The following SPEF2 variants were observed in gnomAD, a reference collection of about 807,000 sequenced individuals.
The protein encoded by SPEF2 is sperm flagella and cilia-associated protein 2.
A neutral mutation model predicts 224.6 loss-of-function variants in SPEF2; 187 were observed. The observed-to-expected ratio is 0.83, with a 90% CI of 0.74 to 0.94. The LOEUF is 0.94. SPEF2 is among the 40% of genes least tolerant of loss of function. The pLI is 0.00. For synonymous variants in SPEF2, 715 were observed against 707.3 expected, an observed-to-expected ratio of 1.01 and a Z score of -0.17; for missense variants, 2,170 against 2,135.6, an observed-to-expected ratio of 1.02 and a Z score of -0.32.
chr5:35,664,349 G>A (rs1226959179), intron 8 of SPEF2, among the ~76,000 whole-genome samples: 1 of 151,054 alleles, frequency 6.6e-6, no homozygotes, highest in African/African-American at 2.4e-5. Context: ...AGAGACGAGG[G>A]AAGGAAGGAA....
chr5:35,765,537 G>A (rs575930582), intron 26 of SPEF2, among the ~76,000 whole-genome samples: 66 of 152,132 alleles, frequency 4.3e-4, no homozygotes, highest in African/African-American at 1.4e-3. Flanking sequence ...CCCTTTCACC[G>A]TTTCACCGCA....
intron 26 of SPEF2, among the ~76,000 whole-genome samples, chr5:35,768,515 A>C (rs1305086737): frequency 6.6e-6 from 1 of 152,140 alleles, no homozygotes; most frequent in South Asian, 2.1e-4. Flanking sequence ...TTTAGGCTAT[A>C]TCTATAATAT....
chr5:35,797,327 T>A (rs1204133624), intron 33 of SPEF2, among the ~76,000 whole-genome samples: 1 of 146,792 alleles, frequency 6.8e-6, no homozygotes, highest in Non-Finnish European at 1.5e-5. Context: ...GGTGTGTGTG[T>A]GTGTGTGTGT....
intron 30 of SPEF2, chr5:35,789,293 A>G (rs1347523656): frequency 1.4e-6 from 1 of 703,288 alleles, no homozygotes; most frequent in South Asian, 1.5e-5. Context: ...GTCCTGTGTC[A>G]ATAAGAATAG....
intron 7 of SPEF2, among the ~76,000 whole-genome samples, chr5:35,657,376 A>G (rs1749102597): frequency 6.6e-6 from 1 of 152,164 alleles, no homozygotes; most frequent in East Asian, 1.9e-4. Context: ...ATAAAAATCA[A>G]TTTGACTTTT....
chr5:35,676,147 G>C (rs1410633503), intron 10 of SPEF2, among the ~76,000 whole-genome samples: 1 of 152,174 alleles, frequency 6.6e-6, no homozygotes, highest in Non-Finnish European at 1.5e-5. Context: ...AGGAGTCCTG[G>C]ATGCCTGACA....
chr5:35,705,834 A>G (rs763074106), intron 18 of SPEF2, 26 bp downstream of exon 18: 8 of 1,378,426 alleles, frequency 5.8e-6, no homozygotes, highest in Non-Finnish European at 7.9e-6. Flanking sequence ...TATAGTTTTG[A>G]GTTTAGGCAA....
Position 35,799,957 on chromosome 5 carries a change from T to G in SPEF2, c.4831-11T>G. 2.5e-6 allele frequency: 4 copies of G among 1,613,670 alleles called. No individual in the cohort carries two copies. Among genetic ancestry groups the G allele is most frequent in the Non-Finnish European group, 3.4e-6 (4 of 1,179,708 alleles). The stretch of plus-strand genomic sequence containing the variant: ...CACCCATTTTATCTTTGGAATTCTT[T>G]TTGTGTGCAGTTTTTCTTTAGGCTA... On this transcript the variant is annotated splice_polypyrimidine_tract_variant and intron_variant, in intron 33 of 36. Coordinates refer to ENST00000356031, the MANE Select transcript of SPEF2 (RefSeq NM_024867.4).
rs534668714 is a variant in SPEF2 at position 35,670,337 on chromosome 5, T to G, written c.1524+110T>G. The G allele has an allele frequency of 2.1e-6, 3 of 1,443,988 alleles. No individual in the cohort carries two copies. In the African/African-American group the frequency reaches 4.4e-5, roughly 21 times the overall value. The allele number at this position is 1,443,988 out of a possible 1,614,324, so 89.4% of individuals were successfully genotyped here. A position where few individuals can be genotyped will look rare whatever the true frequency, so the allele number is the denominator to read the frequency against. ...TTCTACTAATAAAAATAGACATGTTTTGTTTGCATTTTCCCTTGTTTTAAT... is the reference window on the plus strand; with the variant it reads ...TTCTACTAATAAAAATAGACATGTTGTGTTTGCATTTTCCCTTGTTTTAAT... On this transcript the variant is annotated intron_variant, in intron 10 of 36. Transcript: ENST00000356031.
chr5:35,793,015 G>A, intron 31 of SPEF2, 144 bp from the exon 32 acceptor site: 1 of 723,532 alleles, frequency 1.4e-6, no homozygotes, highest in Non-Finnish European at 2.2e-6. Flanking sequence ...TAGAATAAAG[G>A]AAACAAAAGT....
chr5:35,709,912 A>T (rs1271631850), intron 19 of SPEF2: 1 of 985,260 alleles, frequency 1.0e-6, no homozygotes, highest in Non-Finnish European at 1.2e-6. Flanking sequence ...TGTCTACCTA[A>T]GTATCTTTGA....
chr5:35,768,095 A>T lies in SPEF2; in HGVS notation c.3802-3514A>T, dbSNP rs191660573. Among the ~76,000 whole-genome samples the T allele has an allele frequency of 2.6e-5, 4 of 152,216 alleles. No individual in the cohort carries two copies. In the East Asian group the frequency reaches 7.7e-4, roughly 29 times the overall value. Reference sequence around the variant, plus strand: ...TTGTTAGTTGTTAGTCTGAATACTTAACTAGATTCTAAAACTTTTTGTATA... The same window carrying T: ...TTGTTAGTTGTTAGTCTGAATACTTTACTAGATTCTAAAACTTTTTGTATA... On this transcript the variant is annotated intron_variant, in intron 26 of 36. Coordinates refer to ENST00000356031, the MANE Select transcript of SPEF2 (RefSeq NM_024867.4).
At position 35,692,740 on chromosome 5, in the gene SPEF2, G is replaced by GTTT. The variant is rs1345291785; in HGVS notation, c.1899+18_1899+20dup. The GTTT allele has an allele frequency of 9.3e-6, 15 of 1,608,960 alleles. No homozygotes were observed. Among genetic ancestry groups the GTTT allele is most frequent in the Non-Finnish European group, 1.2e-5 (14 of 1,178,462 alleles). ...AGAAAGCCAGGCAAGTGTGATTCTA[G>GTTT]TTTTCTCTTCTGCGCCTAGTACATT... On this transcript the variant is annotated intron_variant, in intron 12 of 36. Coordinates refer to ENST00000356031, the MANE Select transcript of SPEF2 (RefSeq NM_024867.4).
In SPEF2 at chr5:35,700,582, G is replaced by A. The variant is rs1010500347; in HGVS notation, c.2228G>A (p.Gly743Asp). 6.2e-7 allele frequency: 1 copy of A among 1,613,786 alleles called. No individual in the cohort carries two copies. Among genetic ancestry groups the A allele is most frequent in the Non-Finnish European group, 8.5e-7 (1 of 1,179,942 alleles). ...QAQLLEEALT[G>D]CNRNLTEVER... is the part of the protein sequence containing the mutation. ...CAGCTTCTGGAAGAAGCTCTTACAG[G>A]CTGCAATAGAAACCTCACAGAAGTG... The change falls in exon 16 of 37, where the codon GGC becomes GAC. Residue 743 changes from glycine (G) to aspartate (D), a missense_variant. Physicochemically the swap from Gly to Asp is moderately conservative, Grantham distance 94. Transcript: ENST00000356031.
Position 35,759,713 on chromosome 5 carries a change from A to G in SPEF2, c.3614A>G (p.Gln1205Arg). ...GATAGTAAAGACAATTCTGAAAGCC[A>G]GCTTAGGTAAGGCAGGCTATTATAT... ...QLDSKDNSES[Q>R]LRIPLVPRIS... The change falls in exon 25 of 37, where the codon CAG (glutamine) becomes CGG (arginine). Residue 1205 changes from glutamine (Q) to arginine (R), a missense_variant. Gln to Arg is a conservative substitution (Grantham distance 43, BLOSUM62 1). Transcript: ENST00000356031. 4 of 1,577,104 alleles carry G rather than the reference A, an allele frequency of 2.5e-6. No homozygotes were observed. The highest frequency in any genetic ancestry group is 3.5e-6 in the Non-Finnish European group (4 of 1,154,632).
chr5:35,622,989 G>A (rs917981531), intron 1 of SPEF2, among the ~76,000 whole-genome samples: 1 of 152,172 alleles, frequency 6.6e-6, no homozygotes, highest in Non-Finnish European at 1.5e-5. Flanking sequence ...CCAAAGGAAA[G>A]AAAACGTCAG....
chr5:35,770,646 T>C (rs975850288), intron 26 of SPEF2, among the ~76,000 whole-genome samples: 2 of 152,200 alleles, frequency 1.3e-5, no homozygotes, highest in African/African-American at 2.4e-5. Context: ...TTGCTTAGCA[T>C]AATGTCCTCC....
In SPEF2 at chr5:35,641,586, A is replaced by C. The variant is rs776006891; in HGVS notation, c.317A>C (p.Lys106Thr). The stretch of plus-strand genomic sequence containing the variant: ...TATCAATTGTACATTGCTCTTCAGA[A>C]AAAGAAGAAAAGTGGACTGACTGGA... ...LLYQLYIALQKKKKSGLTGVE... is the reference protein window; with the variant it reads ...LLYQLYIALQTKKKSGLTGVE... Residue 106 changes from lysine to threonine, a missense_variant, in exon 3 of 37, where the codon AAA (lysine) becomes ACA (threonine). Coordinates refer to ENST00000356031, the MANE Select transcript of SPEF2 (RefSeq NM_024867.4). 9 of 1,613,764 alleles carry C rather than the reference A, an allele frequency of 5.6e-6. No homozygotes were observed. Among genetic ancestry groups the C allele is most frequent in the Non-Finnish European group, 6.8e-6 (8 of 1,179,790 alleles).
rs62351946 is a variant in SPEF2 at position 35,734,546 on chromosome 5, G to A, written c.3064-5373G>A. 9.8e-3 allele frequency among the ~76,000 whole-genome samples: 1,498 copies of A among 152,216 alleles called. 8 individuals carry two copies. Among genetic ancestry groups the A allele is most frequent in the Middle Eastern group, 0.041 (12 of 294 alleles). ...CATTCAAAGCTGTCATGGGCTGCCT[G>A]TGACCCACAGGCCATGGATTGGACA... On this transcript the variant is annotated intron_variant, in intron 21 of 36. Coordinates refer to ENST00000356031, the MANE Select transcript of SPEF2 (RefSeq NM_024867.4).
Sources: allele counts gnomAD v4.1 joint callset (sites outside exome capture counted in the v4.1 genomes callset), GRCh38; gene constraint gnomAD v4.1.1; transcripts MANE v1.5; gene names NCBI Gene and HGNC (gene_info 2026-07-23, HGNC 2026-07-21).